Variants in GLIS3 observed in about 807,000 individuals in gnomAD.
GLIS3 encodes zinc finger protein GLIS3.
GLIS3 carries 53 observed loss-of-function variants against 78.6 expected under a neutral mutation model. The observed-to-expected ratio is 0.67, with a 90% CI of 0.54 to 0.85. The LOEUF (loss-of-function observed/expected upper bound fraction) is 0.85. GLIS3 is among the 40% of genes least tolerant of loss of function. The pLI is 0.00. For missense variants in GLIS3, 1,703 were observed against 1,231.1 expected, an observed-to-expected ratio of 1.38 and a Z score of -5.74; for synonymous variants, 684 against 509.9, an observed-to-expected ratio of 1.34 and a Z score of -4.60.
chr9:4,317,172 T>C (rs910649672), intron 2 of GLIS3, among the ~76,000 whole-genome samples: 14 of 152,226 alleles, frequency 9.2e-5, no homozygotes, highest in African/African-American at 3.1e-4. Context: ...GCTCAAAATA[T>C]ATTCTTGCAT....
At chr9:4,317,459 T>C (rs1392403690) in intron 2 of GLIS3, among the ~76,000 whole-genome samples, 2 of 152,236 alleles carry the variant, frequency 1.3e-5, no homozygotes, top group Non-Finnish European at 2.9e-5. Context: ...GCATTTGTAA[T>C]TGGTATGTCT....
chr9:4,218,037 G>C (rs1821004118), intron 2 of GLIS3, among the ~76,000 whole-genome samples: 2 of 152,174 alleles, frequency 1.3e-5, no homozygotes, highest in Non-Finnish European at 2.9e-5. Flanking sequence ...CTACAAAAGA[G>C]ATAGCATAAT....
chr9:3,993,821 G>T lies in GLIS3; in HGVS notation c.1711-56632C>A, dbSNP rs1197816202. On this transcript the variant is annotated intron_variant, in intron 4 of 10. Coordinates refer to ENST00000381971, the MANE Select transcript of GLIS3 (RefSeq NM_001042413.2). ...TTGGCCTACTGTTGTATTACTGCTG[G>T]TGTCACAAAAATTGTCATTTTTTTT... is the stretch of plus-strand genomic sequence containing the variant. Among the ~76,000 whole-genome samples the T allele has an allele frequency of 3.9e-5, 6 of 152,120 alleles. 1 individual carries two copies. The highest frequency in any genetic ancestry group is 9.7e-5 in the African/African-American group (4 of 41,426).
intron 4 of GLIS3, among the ~76,000 whole-genome samples, chr9:4,038,269 T>A (rs1238472432): frequency 7.0e-6 from 1 of 141,934 alleles, no homozygotes; most frequent in African/African-American, 2.7e-5. Flanking sequence ...CTACTTCTTT[T>A]GAAGTGTGGT....
intron 2 of GLIS3, among the ~76,000 whole-genome samples, chr9:4,148,203 G>A (rs527857579): frequency 1.3e-5 from 2 of 152,146 alleles, no homozygotes; most frequent in East Asian, 3.9e-4. Context: ...AATAGCTTCA[G>A]GAAAACTCTT....
At chr9:4,063,116 T>C (rs538909214) in intron 4 of GLIS3, among the ~76,000 whole-genome samples, 3 of 151,468 alleles carry the variant, frequency 2.0e-5, no homozygotes, top group African/African-American at 7.3e-5. Context: ...CAAAGAAAAA[T>C]GTACATCTGA....
chr9:4,003,951 T>TA (rs1821332425), intron 4 of GLIS3, among the ~76,000 whole-genome samples: 1 of 152,212 alleles, frequency 6.6e-6, no homozygotes, highest in Admixed American at 6.5e-5. Flanking sequence ...ATTAGTACAT[T>TA]CCACTTACGA....
intron 2 of GLIS3, among the ~76,000 whole-genome samples, chr9:4,132,148 C>G (rs894959646): frequency 8.6e-5 from 13 of 151,610 alleles, no homozygotes; most frequent in African/African-American, 3.2e-4. Flanking sequence ...GTGCCAATGA[C>G]TTGTGCACTG....
intron 4 of GLIS3, among the ~76,000 whole-genome samples, chr9:4,070,516 G>A (rs752648870): frequency 3.3e-5 from 5 of 151,674 alleles, no homozygotes; most frequent in Non-Finnish European, 7.3e-5. Flanking sequence ...TTGTGTGTGT[G>A]TGCGTGTGCG....
chr9:3,982,546 T>G (rs1588380993), intron 4 of GLIS3, among the ~76,000 whole-genome samples: 1 of 152,206 alleles, frequency 6.6e-6, no homozygotes. Context: ...TTCTTTTTCT[T>G]GTTGACAAAA....
At chr9:4,280,767 A>T (rs1827473385) in intron 2 of GLIS3, among the ~76,000 whole-genome samples, 1 of 151,934 alleles carries the variant, frequency 6.6e-6, no homozygotes, top group African/African-American at 2.4e-5. Context: ...CTCAGAAGGC[A>T]GACTAGATAG....
chr9:4,229,263 T>G (rs1028054007), intron 2 of GLIS3, among the ~76,000 whole-genome samples: 1 of 152,238 alleles, frequency 6.6e-6, no homozygotes, highest in African/African-American at 2.4e-5. Flanking sequence ...TTTCACTTTG[T>G]GCAAAAATTT....
At chr9:4,244,307 T>C (rs1360548723) in intron 2 of GLIS3, among the ~76,000 whole-genome samples, 1 of 152,276 alleles carries the variant, frequency 6.6e-6, no homozygotes, top group Non-Finnish European at 1.5e-5. Flanking sequence ...TATGTCAGTG[T>C]ACTTCAGCTC....
At chr9:4,311,083 GTTC>G (rs1448744761) in intron 2 of GLIS3, among the ~76,000 whole-genome samples, 6 of 152,222 alleles carry the variant, frequency 3.9e-5, no homozygotes, top group South Asian at 2.1e-4. Flanking sequence ...CTTCGCAGGA[GTTC>G]TTAATGCTAA....
the GLIS3 span, among the ~76,000 whole-genome samples, chr9:4,453,360 A>AG: frequency 6.7e-4 from 101 of 149,698 alleles, no homozygotes; most frequent in African/African-American, 1.6e-3. Flanking sequence ...AAAAAAAAAA[A>AG]AAAAGAAAAA....
intron 2 of GLIS3, among the ~76,000 whole-genome samples, chr9:4,260,924 A>C (rs1230018895): frequency 6.6e-6 from 1 of 152,190 alleles, no homozygotes; most frequent in Non-Finnish European, 1.5e-5. Context: ...TGAGCAACAG[A>C]AATGTGGCTA....
chr9:3,894,422 A>C (rs1437313635), intron 7 of GLIS3, among the ~76,000 whole-genome samples: 1 of 152,226 alleles, frequency 6.6e-6, no homozygotes, highest in Non-Finnish European at 1.5e-5. Context: ...CAACTCTGCA[A>C]GCTGTCCCAC....
intron 8 of GLIS3, among the ~76,000 whole-genome samples, chr9:3,871,699 A>G (rs1333821409): frequency 1.3e-5 from 2 of 152,126 alleles, no homozygotes. Flanking sequence ...CAGCACAGGG[A>G]CCCTGGGCCA....
At chr9:4,243,536 T>C (rs1823524900) in intron 2 of GLIS3, among the ~76,000 whole-genome samples, 1 of 152,346 alleles carries the variant, frequency 6.6e-6, no homozygotes, top group Non-Finnish European at 1.5e-5. Context: ...TTAGTAGATT[T>C]AGAATAAAGA....
Sources: gnomAD v4.1 joint callset for allele counts (sites outside exome capture counted in the v4.1 genomes callset) on GRCh38, gnomAD v4.1.1 for gene constraint, MANE v1.5 for transcripts, NCBI Gene and HGNC (gene_info 2026-07-23, HGNC 2026-07-21) for gene names.